Variants in KDM2B observed in about 807,000 individuals in gnomAD.
KDM2B encodes the protein lysine demethylase 2B.
Under a neutral mutation model 150.0 loss-of-function variants are expected in KDM2B, and 26 were observed. The ratio of observed to expected loss-of-function variants is 0.17; its 90% confidence interval spans 0.13 to 0.24. The LOEUF (loss-of-function observed/expected upper bound fraction) is 0.24. Ranked by LOEUF, KDM2B falls within the 10% of genes least tolerant of loss-of-function variation. The probability of loss-of-function intolerance (pLI) is 1.00; values close to 1 mark genes in which losing one functional copy is unlikely to be tolerated. For missense variants in KDM2B, 1,265 were observed against 1,816.9 expected (o/e 0.70, Z 5.52); for synonymous variants, 734 against 729.5 (o/e 1.01, Z -0.10).
intron 4 of KDM2B, among the ~76,000 whole-genome samples, chr12:121,569,188 G>C (rs1210344944): frequency 6.6e-6 from 1 of 152,212 alleles, no homozygotes. Flanking sequence ...CAACCCTGGA[G>C]AATCACTGCT....
At chr12:121,437,224 G>C (rs1874158244) in intron 22 of KDM2B, among the ~76,000 whole-genome samples, 1 of 152,084 alleles carries the variant, frequency 6.6e-6, no homozygotes, top group Admixed American at 6.6e-5. Flanking sequence ...GGGGTGGGGA[G>C]GGGGAGAGCA....
chr12:121,535,226 C>A (rs61952163), intron 6 of KDM2B, among the ~76,000 whole-genome samples: 1 of 151,292 alleles, frequency 6.6e-6, no homozygotes, highest in East Asian at 1.9e-4. Flanking sequence ...AAAAAAAACC[C>A]ACACACACAA....
At position 121,429,294 on chromosome 12, in the gene KDM2B, T is replaced by C. The variant is rs543611631; in HGVS notation, c.*994A>G. The stretch of plus-strand genomic sequence containing the variant: ...ACTTATAAATGCAGAACTTTACAAC[T>C]AGGAAATAGCCATGTTACAAACCTA... On this transcript the variant is annotated 3_prime_UTR_variant, in exon 23 of 23. Coordinates refer to ENST00000377071, the MANE Select transcript of KDM2B (RefSeq NM_032590.5). 6.6e-6 allele frequency: 1 copy of C among 152,576 alleles called. No individual in the cohort carries two copies. The highest frequency in any genetic ancestry group is 1.5e-5 in the Non-Finnish European group (1 of 68,044). 9.5% of individuals were successfully genotyped at this position (152,576 alleles called of 1,614,324 possible).
chr12:121,539,833 G>A (rs1888460496), intron 6 of KDM2B, among the ~76,000 whole-genome samples: 6 of 152,020 alleles, frequency 3.9e-5, no homozygotes, highest in African/African-American at 9.7e-5. Flanking sequence ...TCCAACTCCC[G>A]AGTTTAAGAG....
intron 12 of KDM2B, among the ~76,000 whole-genome samples, chr12:121,478,377 T>TTA (rs1881635485): frequency 6.6e-6 from 1 of 150,704 alleles, no homozygotes; most frequent in African/African-American, 2.4e-5. Context: ...TTTTTTTTTT[T>TTA]AAGACGGAGT....
intron 8 of KDM2B, among the ~76,000 whole-genome samples, chr12:121,531,779 A>G (rs997336403): frequency 2.6e-5 from 4 of 152,088 alleles, no homozygotes; most frequent in African/African-American, 9.7e-5. Context: ...CCAAAGTACA[A>G]TGACCAAGAG....
chr12:121,415,032 G>A, the KDM2B span, among the ~76,000 whole-genome samples: 3 of 152,138 alleles, frequency 2.0e-5, no homozygotes, highest in Non-Finnish European at 4.4e-5. Context: ...GGAGGCGGAC[G>A]TTGCAGTGAG....
intron 11 of KDM2B, among the ~76,000 whole-genome samples, chr12:121,500,857 T>C (rs548812109): frequency 1.1e-4 from 16 of 152,316 alleles, no homozygotes; most frequent in African/African-American, 3.1e-4. Flanking sequence ...TCCCAGCACT[T>C]TGGGAGGCCG....
intron 12 of KDM2B, among the ~76,000 whole-genome samples, chr12:121,456,402 C>A (rs1440907940): frequency 6.6e-6 from 1 of 152,184 alleles, no homozygotes; most frequent in Non-Finnish European, 1.5e-5. Context: ...TTCTACCCCT[C>A]CAAACGACAG....
intron 9 of KDM2B, among the ~76,000 whole-genome samples, chr12:121,514,259 G>A (rs1357455577): frequency 1.3e-5 from 2 of 152,090 alleles, no homozygotes; most frequent in South Asian, 2.1e-4. Flanking sequence ...GACTACTGGC[G>A]CGCGCACCAC....
At chr12:121,478,382 C>T (rs1311586571) in intron 12 of KDM2B, among the ~76,000 whole-genome samples, 3 of 140,450 alleles carry the variant, frequency 2.1e-5, no homozygotes, top group Non-Finnish European at 3.0e-5. Context: ...TTTTTTAAGA[C>T]GGAGTCGTGC....
chr12:121,445,105 C>G lies in KDM2B; in HGVS notation c.2103+170G>C. 5.8e-6 allele frequency: 4 copies of G among 692,210 alleles called. 1 individual carries two copies. In the South Asian group the frequency reaches 7.5e-5, roughly 13 times the overall value. 42.9% of individuals were successfully genotyped at this position (692,210 alleles called of 1,614,324 possible). On this transcript the variant is annotated intron_variant, in intron 14 of 22. Transcript: ENST00000377071. ...TTGATGACACTGGGTCTCTGAGGTA[C>G]TCCAGGCCCTCCTTGCCCCGGGCTT... is the stretch of plus-strand genomic sequence containing the variant.
intron 11 of KDM2B, among the ~76,000 whole-genome samples, chr12:121,503,453 G>A (rs1884776164): frequency 6.6e-6 from 1 of 151,498 alleles, no homozygotes; most frequent in Non-Finnish European, 1.5e-5. Context: ...ACTACTCCTG[G>A]CTAATTTTTT....
chr12:121,439,262 A>G (rs1415021731), intron 22 of KDM2B, among the ~76,000 whole-genome samples: 1 of 151,440 alleles, frequency 6.6e-6, no homozygotes, highest in Non-Finnish European at 1.5e-5. Flanking sequence ...GCTCTTCTGC[A>G]CCCCCTCGGG....
intron 6 of KDM2B, among the ~76,000 whole-genome samples, chr12:121,548,251 A>G (rs961227389): frequency 1.3e-5 from 2 of 152,182 alleles, no homozygotes; most frequent in Admixed American, 1.3e-4. Context: ...TGGGAGACAG[A>G]GCAAGACTCT....
chr12:121,566,416 G>A (rs1269747131), intron 4 of KDM2B, among the ~76,000 whole-genome samples: 7 of 152,180 alleles, frequency 4.6e-5, no homozygotes, highest in African/African-American at 1.7e-4. Context: ...GAGGCCAGGA[G>A]TTCGAGACCA....
At chr12:121,434,408 ATC>A (rs1212070897) in intron 22 of KDM2B, among the ~76,000 whole-genome samples, 1 of 151,284 alleles carries the variant, frequency 6.6e-6, no homozygotes, top group African/African-American at 2.4e-5. Context: ...AGGCAGGAGA[ATC>A]ACTTGAACCC....
At chr12:121,485,220 T>C (rs1208065071) in intron 12 of KDM2B, among the ~76,000 whole-genome samples, 2 of 152,122 alleles carry the variant, frequency 1.3e-5, no homozygotes, top group Non-Finnish European at 2.9e-5. Flanking sequence ...AGTGCTGTGA[T>C]GGGGTCTAAA....
At chr12:121,461,768 G>A (rs370740767) in intron 12 of KDM2B, among the ~76,000 whole-genome samples, 20 of 152,300 alleles carry the variant, frequency 1.3e-4, no homozygotes, top group African/African-American at 3.1e-4. Flanking sequence ...CCTGGGAACC[G>A]ACACTGCATA....
Sources: gnomAD v4.1 joint callset for allele counts (sites outside exome capture counted in the v4.1 genomes callset) on GRCh38, gnomAD v4.1.1 for gene constraint, MANE v1.5 for transcripts, NCBI Gene and HGNC (gene_info 2026-07-23, HGNC 2026-07-21) for gene names.